LIPG: variants seen among roughly 807,000 people sequenced by gnomAD.
LIPG encodes endothelial lipase.
Under a neutral mutation model 51.8 loss-of-function variants are expected in LIPG, and 34 were observed. That is an observed-to-expected ratio of 0.66 (90% CI 0.50 to 0.87). The LOEUF is 0.87. LIPG is among the 40% of genes least tolerant of loss of function. The pLI is 0.00. For synonymous variants in LIPG, 246 were observed against 246.1 expected (o/e 1.00, Z 0.00); for missense variants, 580 against 652.7 (o/e 0.89, Z 1.21).
chr18:49,590,534 C>T lies in LIPG; in HGVS notation c.*12C>T. On this transcript the variant is annotated 3_prime_UTR_variant, in exon 10 of 10. Coordinates refer to ENST00000261292, the MANE Select transcript of LIPG (RefSeq NM_006033.4). ...TGGAGCTTCCCTGAGGGTGCCCGGG[C>T]AAGTCTTGCCAGCAAGGCAGCAAGA... 1.9e-6 allele frequency: 3 copies of T among 1,595,942 alleles called. No individual in the cohort carries two copies. The highest frequency in any genetic ancestry group is 2.6e-6 in the Non-Finnish European group (3 of 1,169,482).
At chr18:49,589,328 TCTA>T (rs2143982326) in intron 9 of LIPG, 1 of 152,370 alleles carries the variant, frequency 6.6e-6, no homozygotes, top group South Asian at 2.1e-4. Context: ...CGTATGATTT[TCTA>T]CTACTATAAC....
At chr18:49,567,878 C>G (rs1404061565) in intron 3 of LIPG, 1 of 453,112 alleles carries the variant, frequency 2.2e-6, no homozygotes, top group Non-Finnish European at 3.9e-6. Flanking sequence ...TGGGTTGTTT[C>G]TTCCTGATCT....
chr18:49,581,196 G>T (rs1252859745), intron 5 of LIPG, among the ~76,000 whole-genome samples: 1 of 152,200 alleles, frequency 6.6e-6, no homozygotes, highest in Non-Finnish European at 1.5e-5. Context: ...GGAAGTTGAG[G>T]CTGCTGTGAG....
At chr18:49,577,625 G>C (rs962183526) in intron 5 of LIPG, among the ~76,000 whole-genome samples, 2 of 145,298 alleles carry the variant, frequency 1.4e-5, no homozygotes, top group African/African-American at 5.3e-5. Context: ...CTCCCGGACG[G>C]GGCGGCTGGC....
intron 5 of LIPG, among the ~76,000 whole-genome samples, chr18:49,576,646 T>G (rs1371894880): frequency 6.6e-6 from 1 of 151,926 alleles, no homozygotes; most frequent in Non-Finnish European, 1.5e-5. Flanking sequence ...ATTTTTTGTA[T>G]TTTTAGTAGA....
intron 4 of LIPG, among the ~76,000 whole-genome samples, chr18:49,572,296 G>T (rs1314872491): frequency 2.0e-5 from 3 of 151,816 alleles, no homozygotes; most frequent in African/African-American, 7.3e-5. Flanking sequence ...CTCCAGGCTG[G>T]GTGACAAGAG....
Position 49,567,561 on chromosome 18 carries a change from T to A in LIPG, c.399T>A (p.Asp133Glu). The change falls in exon 3 of 10, where the codon GAT (aspartate) becomes GAA (glutamate). Residue 133 changes from aspartate to glutamate, a missense_variant. Transcript: ENST00000261292. Reference sequence around the variant, plus strand: ...CCCTGGCCCACCAGCTTTACACGGATGCGGTCAATAATACCAGGGTGGTGG... The same window carrying A: ...CCCTGGCCCACCAGCTTTACACGGAAGCGGTCAATAATACCAGGGTGGTGG... Reference protein sequence around the residue: ...WLPLAHQLYTDAVNNTRVVGH... With the variant: ...WLPLAHQLYTEAVNNTRVVGH... The A allele has an allele frequency of 6.2e-7, 1 of 1,614,128 alleles. No individual in the cohort carries two copies. The highest frequency in any genetic ancestry group is 8.5e-7 in the Non-Finnish European group (1 of 1,180,024).
intron 2 of LIPG, among the ~76,000 whole-genome samples, chr18:49,566,157 A>AC (rs200810180): frequency 0.026 from 3,926 of 152,334 alleles, 72 homozygotes; most frequent in Middle Eastern, 0.071. Flanking sequence ...TTGGAAGGGG[A>AC]CAGTCCTCCT....
At chr18:49,582,575 A>G (rs2084831910) in intron 7 of LIPG, 93 bp downstream of exon 7, 8 of 1,547,262 alleles carry the variant, frequency 5.2e-6, no homozygotes, top group Admixed American at 1.7e-5. Flanking sequence ...CGAGTACAGC[A>G]CGCAGGAGAG....
At chr18:49,590,205 G>GTGTGTGTGTGTGTA (rs1249290771) in intron 9 of LIPG, 1 of 490,778 alleles carries the variant, frequency 2.0e-6, no homozygotes, top group Non-Finnish European at 3.8e-6. Context: ...GTGTGTGTGT[G>GTGTGTGTGTGTGTA]TGTATGTTGT....
At chr18:49,569,298 C>T (rs1007652470) in intron 3 of LIPG, 139 bp from the exon 4 acceptor site, 14 of 760,986 alleles carry the variant, frequency 1.8e-5, no homozygotes, top group Non-Finnish European at 3.0e-5. Context: ...ACCAGCAAAG[C>T]CAGTGGGGCC....
intron 4 of LIPG, 129 bp from the exon 5 acceptor site, chr18:49,575,240 T>C (rs889320980): frequency 1.5e-6 from 1 of 681,832 alleles, no homozygotes; most frequent in African/African-American, 1.8e-5. Context: ...ATGCTTTCCA[T>C]GTCTTGATTC....
At chr18:49,582,566 G>A (rs1490409078) in intron 7 of LIPG, 84 bp downstream of exon 7, 24 of 1,566,874 alleles carry the variant, frequency 1.5e-5, no homozygotes, top group African/African-American at 1.1e-4. Flanking sequence ...GCGTGTGAAC[G>A]AGTACAGCAC....
Position 49,581,580 on chromosome 18 carries a change from G to T in LIPG, c.959G>T (p.Gly320Val), listed in dbSNP as rs1425752421. Residue 320 changes from glycine (G) to valine (V), a missense_variant, in exon 6 of 10, where the codon GGC becomes GTC. By Grantham distance (109) the Gly-to-Val change is moderately radical. Coordinates refer to ENST00000261292, the MANE Select transcript of LIPG (RefSeq NM_006033.4). ...CGCAAGAACCGTTGTAATAGCATTG[G>T]CTACAATGCCAAGAAAATGAGGAAC... ...SCRKNRCNSI[G>V]YNAKKMRNKR... The T allele has an allele frequency of 1.2e-6, 2 of 1,614,184 alleles. No homozygotes were observed. Among genetic ancestry groups the T allele is most frequent in the Admixed American group, 3.3e-5 (2 of 60,014 alleles).
intron 5 of LIPG, among the ~76,000 whole-genome samples, chr18:49,580,027 T>C (rs2084801809): frequency 6.6e-6 from 1 of 152,156 alleles, no homozygotes; most frequent in Admixed American, 6.5e-5. Flanking sequence ...TTGGCCAGGC[T>C]GGTCTCAAAC....
At position 49,583,778 on chromosome 18, in the gene LIPG, A is replaced by C. The variant is rs1568536050; in HGVS notation, c.1376+4A>C. ...AGTCTGGGGAAACCCAGCGGAAGTA[A>C]GTGCCTCCTGCTCCTTCTTCTGCCT... On this transcript the variant is annotated splice_donor_region_variant and intron_variant, in intron 8 of 9. Transcript: ENST00000261292. The C allele has an allele frequency of 6.2e-7, 1 of 1,607,816 alleles. No homozygotes were observed. The highest frequency in any genetic ancestry group is 8.5e-7 in the Non-Finnish European group (1 of 1,177,442).
intron 4 of LIPG, among the ~76,000 whole-genome samples, chr18:49,571,215 G>A (rs879488029): frequency 2.0e-5 from 3 of 152,174 alleles, no homozygotes; most frequent in Admixed American, 6.5e-5. Flanking sequence ...TTGTCTGAGC[G>A]CCTCTTCCTA....
chr18:49,568,035 A>G (rs2084625627), intron 3 of LIPG, among the ~76,000 whole-genome samples: 1 of 152,044 alleles, frequency 6.6e-6, no homozygotes, highest in Non-Finnish European at 1.5e-5. Context: ...GCAGCCTAAT[A>G]TCTCTTTTCT....
intron 7 of LIPG, 29 bp downstream of exon 7, chr18:49,582,511 C>CG (rs758112320): frequency 1.9e-6 from 3 of 1,614,022 alleles, no homozygotes; most frequent in South Asian, 2.2e-5. Flanking sequence ...TTGCTGGGTT[C>CG]GGGACAGAGA....
Sources: gnomAD v4.1 joint callset for allele counts (sites outside exome capture counted in the v4.1 genomes callset) on GRCh38, gnomAD v4.1.1 for gene constraint, MANE v1.5 for transcripts, NCBI Gene and HGNC (gene_info 2026-07-23, HGNC 2026-07-21) for gene names.